Variants in DEF6 observed in about 807,000 individuals in gnomAD.
The protein encoded by DEF6 is DEF6 guanine nucleotide exchange factor, also known as differentially expressed in FDCP 6 homolog.
In DEF6, 32 loss-of-function variants were observed where a neutral mutation model predicts 80.5. The observed-to-expected ratio is 0.40, with a 90% CI of 0.30 to 0.53. The LOEUF is 0.53. Among genes scored for constraint, DEF6 ranks in the 20% least tolerant of loss-of-function variants. The probability of loss-of-function intolerance (pLI) is 0.57; values close to 1 mark genes in which losing one functional copy is unlikely to be tolerated. For synonymous variants in DEF6, 300 were observed against 337.9 expected, an observed-to-expected ratio of 0.89 and a Z score of 1.23; for missense variants, 575 against 818.7, an observed-to-expected ratio of 0.70 and a Z score of 3.63.
chr6:35,305,262 C>G (rs1007000277), intron 1 of DEF6, among the ~76,000 whole-genome samples: 3 of 151,134 alleles, frequency 2.0e-5, no homozygotes, highest in Admixed American at 6.6e-5. Flanking sequence ...TCTCCCACCT[C>G]AGCCTCCTGA....
chr6:35,318,003 A>G lies in DEF6; in HGVS notation c.916+4A>G, dbSNP rs115047813. The G allele has an allele frequency of 1.4e-3, 2,207 of 1,611,150 alleles. 32 individuals are homozygous for G. In the African/African-American group the frequency reaches 0.027, roughly 20 times the overall value. ...CAGCGCCAGGAGTGGACAGCTGGTG[A>G]GTGCTCGCTAGGTGGCTTGGGTCTG... is the stretch of plus-strand genomic sequence containing the variant. On this transcript the variant is annotated splice_donor_region_variant and intron_variant, in intron 6 of 10. Coordinates refer to ENST00000316637, the MANE Select transcript of DEF6 (RefSeq NM_022047.4). The surrounding 1 kb of genome is among the most constrained non-coding windows in gnomAD (Gnocchi z 5.1).
Position 35,319,507 on chromosome 6 carries a change from A to ACCTC in DEF6, c.1216-14_1216-11dup. ...CTTTTGACCTGGCTCTTGGTCCACC[A>ACCTC]CCTCCCCCCTCCACAGGCCCGGGCC... is the stretch of plus-strand genomic sequence containing the variant. On this transcript the variant is annotated splice_polypyrimidine_tract_variant and intron_variant, in intron 7 of 10. Transcript: ENST00000316637. This position sits in a 1 kb window ranked among gnomAD's most constrained non-coding sequence, Gnocchi z 4.5. 7.2e-7 allele frequency: 1 copy of ACCTC among 1,384,322 alleles called. No homozygotes were observed. Among genetic ancestry groups the ACCTC allele is most frequent in the Non-Finnish European group, 9.5e-7 (1 of 1,055,906 alleles). The allele number at this position is 1,384,322 out of a possible 1,614,324, so 85.8% of individuals were successfully genotyped here.
intron 1 of DEF6, among the ~76,000 whole-genome samples, chr6:35,307,183 G>C (rs982596366): frequency 6.6e-6 from 1 of 152,234 alleles, no homozygotes; most frequent in African/African-American, 2.4e-5. Flanking sequence ...CAGATCTCCT[G>C]AGGTCAGGAG....
At chr6:35,302,309 T>C (rs1481682161) in intron 1 of DEF6, among the ~76,000 whole-genome samples, 5 of 152,048 alleles carry the variant, frequency 3.3e-5, no homozygotes, top group African/African-American at 4.8e-5. Context: ...CAGTGAGCCA[T>C]GGTTATACCA....
chr6:35,320,766 C>T, intron 9 of DEF6, 118 bp from the exon 10 acceptor site: 1 of 836,776 alleles, frequency 1.2e-6, no homozygotes, highest in Non-Finnish European at 1.9e-6. Flanking sequence ...TGGTTTTTCT[C>T]TGGGGAGATG....
At position 35,319,858 on chromosome 6, in the gene DEF6, G is replaced by A; in HGVS notation, c.1422G>A (p.Met474Ile). The change falls in exon 9 of 11, where the codon ATG becomes ATA. Residue 474 changes from methionine (M) to isoleucine (I), a missense_variant. Coordinates refer to ENST00000316637, the MANE Select transcript of DEF6 (RefSeq NM_022047.4). The surrounding 1 kb of genome is among the most constrained non-coding windows in gnomAD (Gnocchi z 4.5). The stretch of plus-strand genomic sequence containing the variant: ...AGGAAGAGAAGCTGAAGCAGTTGAT[G>A]CAGCTGAAGGAGGAGCAGGAGCGCT... ...EEEEEKLKQL[M>I]QLKEEQERYI... The A allele has an allele frequency of 1.3e-6, 2 of 1,588,258 alleles. No homozygotes were observed. The highest frequency in any genetic ancestry group is 1.7e-6 in the Non-Finnish European group (2 of 1,167,254).
Position 35,319,150 on chromosome 6 carries a change from G to A in DEF6, c.1216-374G>A, listed in dbSNP as rs932300965. ...TGTAGTTATAGTCACATCCTTCCTA[G>A]CATCAGCCATGATTATAACATATTA... On this transcript the variant is annotated intron_variant, in intron 7 of 10. Coordinates refer to ENST00000316637, the MANE Select transcript of DEF6 (RefSeq NM_022047.4). This position sits in a 1 kb window ranked among gnomAD's most constrained non-coding sequence, Gnocchi z 4.5. Among the ~76,000 whole-genome samples the A allele has an allele frequency of 2.0e-5, 3 of 151,828 alleles. No individual in the cohort carries two copies. The highest frequency in any genetic ancestry group is 7.3e-5 in the African/African-American group (3 of 41,304).
At position 35,309,949 on chromosome 6, in the gene DEF6, C is replaced by A; in HGVS notation, c.237+139C>A. On this transcript the variant is annotated intron_variant, in intron 2 of 10. Coordinates refer to ENST00000316637, the MANE Select transcript of DEF6 (RefSeq NM_022047.4). ...TGCCTGCTCTGTCCGTGACTGCTGT[C>A]CCATCACGTCCCTCACATCCCAGCC... 7 of 973,366 alleles carry A rather than the reference C, an allele frequency of 7.2e-6. No individual in the cohort carries two copies. The South Asian group carries it at 8.1e-5, about 11-fold the overall frequency. The allele number at this position is 973,366 out of a possible 1,614,324, so 60.3% of individuals were successfully genotyped here.
At chr6:35,308,859 T>C (rs1791427632) in intron 1 of DEF6, among the ~76,000 whole-genome samples, 1 of 152,206 alleles carries the variant, frequency 6.6e-6, no homozygotes, top group Non-Finnish European at 1.5e-5. Flanking sequence ...ACACTGCTTG[T>C]GACAAATGCT....
intron 1 of DEF6, 135 bp from the exon 2 acceptor site, chr6:35,309,535 A>T: frequency 1.1e-6 from 1 of 942,848 alleles, no homozygotes; most frequent in Non-Finnish European, 1.6e-6. Context: ...AGTTTTAGTT[A>T]TTACTGAACT....
chr6:35,303,903 C>T (rs183588748), intron 1 of DEF6, among the ~76,000 whole-genome samples: 3 of 152,262 alleles, frequency 2.0e-5, no homozygotes, highest in East Asian at 1.9e-4. Flanking sequence ...GAGGCCGAGG[C>T]GGGTGGATCA....
chr6:35,301,908 G>C (rs1451736738), intron 1 of DEF6, among the ~76,000 whole-genome samples: 1 of 151,986 alleles, frequency 6.6e-6, no homozygotes. Context: ...TGTATTTTTA[G>C]TAGAGCCGGG....
intron 1 of DEF6, among the ~76,000 whole-genome samples, chr6:35,303,767 C>T (rs754791817): frequency 4.6e-5 from 7 of 152,208 alleles, no homozygotes; most frequent in Non-Finnish European, 1.5e-5. Context: ...GAGGCTGAGG[C>T]GGGTGGATCG....
chr6:35,312,586 G>A lies in DEF6; in HGVS notation c.661-40G>A, dbSNP rs531031369. The stretch of plus-strand genomic sequence containing the variant: ...GGAAGCACACAAGGTGCAGGGCGAA[G>A]GGGGGCCTGGGAAGCCTCTGACGTA... On this transcript the variant is annotated intron_variant, in intron 4 of 10. Coordinates refer to ENST00000316637, the MANE Select transcript of DEF6 (RefSeq NM_022047.4). The surrounding 1 kb of genome is among the most constrained non-coding windows in gnomAD (Gnocchi z 6.6). 6.2e-7 allele frequency: 1 copy of A among 1,614,138 alleles called. No individual in the cohort carries two copies. Among genetic ancestry groups the A allele is most frequent in the East Asian group, 2.2e-5 (1 of 44,878 alleles).
chr6:35,300,818 C>T lies in DEF6; in HGVS notation c.96+2866C>T, dbSNP rs185339511. Among the ~76,000 whole-genome samples the T allele has an allele frequency of 2.4e-4, 36 of 152,216 alleles. No individual in the cohort carries two copies. In the East Asian group the frequency reaches 6.6e-3, roughly 28 times the overall value. ...GACAGAGGGCTATAGAGAGGGGAGC[C>T]CTTGGGAATGATGTGTGTCCTACTG... On this transcript the variant is annotated intron_variant, in intron 1 of 10. Coordinates refer to ENST00000316637, the MANE Select transcript of DEF6 (RefSeq NM_022047.4).
At chr6:35,306,054 G>A (rs1176213988) in intron 1 of DEF6, among the ~76,000 whole-genome samples, 1 of 151,396 alleles carries the variant, frequency 6.6e-6, no homozygotes, top group East Asian at 2.0e-4. Flanking sequence ...CACAATGCCT[G>A]GCTAATTTTT....
At chr6:35,308,891 G>T (rs568077700) in intron 1 of DEF6, among the ~76,000 whole-genome samples, 1 of 152,074 alleles carries the variant, frequency 6.6e-6, no homozygotes, top group Non-Finnish European at 1.5e-5. Context: ...ACCCCAAGGA[G>T]ATTTTATTTT....
chr6:35,307,862 T>A (rs989364560), intron 1 of DEF6, among the ~76,000 whole-genome samples: 3 of 152,184 alleles, frequency 2.0e-5, no homozygotes, highest in African/African-American at 7.2e-5. Context: ...AATGAAGGCT[T>A]GGCACACACA....
Position 35,312,953 on chromosome 6 carries a change from C to T in DEF6, c.807+181C>T, listed in dbSNP as rs1791487750. 6.6e-6 allele frequency among the ~76,000 whole-genome samples: 1 copy of T among 152,160 alleles called. No homozygotes were observed. Among genetic ancestry groups the T allele is most frequent in the Non-Finnish European group, 1.5e-5 (1 of 68,034 alleles). ...TCAAGGCCATTCTCATCCACGTCAG[C>T]ACTTAAAACTAAAACTGCAACTCAA... On this transcript the variant is annotated intron_variant, in intron 5 of 10. Coordinates refer to ENST00000316637, the MANE Select transcript of DEF6 (RefSeq NM_022047.4). The surrounding 1 kb of genome is among the most constrained non-coding windows in gnomAD (Gnocchi z 6.6).
Sources: gnomAD v4.1 joint callset for allele counts (sites outside exome capture counted in the v4.1 genomes callset) on GRCh38, gnomAD v4.1.1 for gene constraint, Gnocchi (gnomAD v3.1) non-coding constraint, MANE v1.5 for transcripts, NCBI Gene and HGNC (gene_info 2026-07-23, HGNC 2026-07-21) for gene names.